The following PDIA6 variants were observed in gnomAD, a reference collection of about 807,000 sequenced individuals.
The protein encoded by PDIA6 is protein disulfide isomerase family A member 6, also known as protein disulfide-isomerase A6.
PDIA6 carries 29 observed loss-of-function variants against 58.4 expected under a neutral mutation model. The ratio of observed to expected loss-of-function variants is 0.50; its 90% CI spans 0.37 to 0.68. The LOEUF (loss-of-function observed/expected upper bound fraction) is 0.68, where lower values mean the gene tolerates loss of function less well. PDIA6 is among the 30% of genes least tolerant of loss of function. PDIA6 has a pLI of 0.00. For synonymous variants in PDIA6, 192 were observed against 202.6 expected (o/e 0.95, Z 0.44); for missense variants, 480 against 551.0 (o/e 0.87, Z 1.29).
At chr2:10,824,040 C>A (rs1304111879) in intron 1 of PDIA6, among the ~76,000 whole-genome samples, 4 of 152,146 alleles carry the variant, frequency 2.6e-5, no homozygotes, top group African/African-American at 9.7e-5. Flanking sequence ...CTTCTCTTAC[C>A]CAACCTTATT....
chr2:10,788,599 C>A (rs1665889850), intron 10 of PDIA6, 98 bp downstream of exon 10: 9 of 813,084 alleles, frequency 1.1e-5, no homozygotes, highest in African/African-American at 1.7e-5. Context: ...GCAGAGCAAA[C>A]ATAGAACACA....
intron 2 of PDIA6, among the ~76,000 whole-genome samples, chr2:10,801,793 C>T (rs906555964): frequency 1.3e-5 from 2 of 152,172 alleles, no homozygotes; most frequent in Admixed American, 1.3e-4. Context: ...CAGGCATACC[C>T]TAAAATGTAC....
chr2:10,802,794 C>T (rs532122392), intron 1 of PDIA6, among the ~76,000 whole-genome samples, 154 bp from the exon 2 acceptor site: 2 of 152,298 alleles, frequency 1.3e-5, no homozygotes, highest in South Asian at 2.1e-4. Flanking sequence ...GCAGTTGGAG[C>T]CCCTGGAATT....
At chr2:10,830,189 G>A (rs1216429280) in intron 1 of PDIA6, among the ~76,000 whole-genome samples, 1 of 152,184 alleles carries the variant, frequency 6.6e-6, no homozygotes, top group Admixed American at 6.5e-5. Flanking sequence ...CTCCAGTGTG[G>A]GTGCGCAGCT....
chr2:10,807,609 G>A (rs1666816738), intron 1 of PDIA6, among the ~76,000 whole-genome samples: 2 of 152,162 alleles, frequency 1.3e-5, no homozygotes, highest in African/African-American at 4.8e-5. Context: ...AAGTGAGACT[G>A]GCCTGTGTTC....
intron 1 of PDIA6, among the ~76,000 whole-genome samples, chr2:10,827,358 C>T (rs563988626): frequency 3.2e-4 from 48 of 152,066 alleles, no homozygotes; most frequent in Non-Finnish European, 4.7e-4. Context: ...CCACCGCACC[C>T]AGCCTTATTT....
intron 2 of PDIA6, among the ~76,000 whole-genome samples, chr2:10,818,245 C>T (rs137986484): frequency 0.011 from 1,637 of 151,980 alleles, 19 homozygotes; most frequent in Non-Finnish European, 0.014. Context: ...TCACTGCAGC[C>T]TCAACCTCCT....
At chr2:10,788,580 A>G (rs1665888005) in intron 10 of PDIA6, 117 bp downstream of exon 10, 1 of 737,640 alleles carries the variant, frequency 1.4e-6, no homozygotes, top group African/African-American at 1.8e-5. Context: ...AAAAAAAAAA[A>G]AACATATAGC....
intron 1 of PDIA6, chr2:10,819,396 G>T: frequency 8.7e-7 from 1 of 1,155,902 alleles, no homozygotes; most frequent in Non-Finnish European, 1.3e-6. Flanking sequence ...GGTGGGGATG[G>T]GGAAACTATT....
At chr2:10,802,853 A>C (rs1666572920) in intron 1 of PDIA6, among the ~76,000 whole-genome samples, 2 of 151,940 alleles carry the variant, frequency 1.3e-5, no homozygotes. Context: ...GACGGTCCCC[A>C]CTCCCACTCC....
intron 1 of PDIA6, among the ~76,000 whole-genome samples, chr2:10,825,414 A>C (rs1667526804): frequency 6.6e-6 from 1 of 152,214 alleles, no homozygotes; most frequent in African/African-American, 2.4e-5. Flanking sequence ...GAAAAAGTTT[A>C]AATTAGTTCA....
rs13010424 is a variant in PDIA6, at chr2:10,812,725, A to G, written c.-29T>C. On this transcript the variant is annotated 5_prime_UTR_variant, in exon 1 of 13. Coordinates refer to ENST00000272227, the MANE Select transcript of PDIA6 (RefSeq NM_005742.4). ...GAGCGCCGGGCTACGTGCAGTCCCC[A>G]CCGCCGCCGCCGCTTCAGCCCTGCA... 6.0e-6 allele frequency: 9 copies of G among 1,493,756 alleles called. No homozygotes were observed. The highest frequency in any genetic ancestry group is 1.2e-5 in the South Asian group (1 of 81,164). The allele number at this position is 1,493,756 out of a possible 1,614,324, so 92.5% of individuals were successfully genotyped here.
chr2:10,809,077 A>C lies in PDIA6; in HGVS notation c.19+3601T>G, dbSNP rs575495864. On this transcript the variant is annotated intron_variant, in intron 1 of 12. Transcript: ENST00000272227. ...GCCCACCTTGGCCTCCCAAAGTGCG[A>C]GGATTACAGGCGTGAGCCACCGTGC... 1.1e-4 allele frequency among the ~76,000 whole-genome samples: 16 copies of C among 152,270 alleles called. No homozygotes were observed. In the East Asian group the frequency reaches 2.9e-3, roughly 28 times the overall value.
chr2:10,816,077 C>CTTTTTTTTTTTTTTTT (rs57404091), upstream of PDIA6, among the ~76,000 whole-genome samples: 32 of 96,470 alleles, frequency 3.3e-4, 5 homozygotes, highest in African/African-American at 1.3e-3. Context: ...AATCATTTGT[C>CTTTTTTTTTTTTTTTT]TTTTTTTTTT....
At chr2:10,822,931 C>T (rs539862709) in intron 1 of PDIA6, among the ~76,000 whole-genome samples, 27 of 152,236 alleles carry the variant, frequency 1.8e-4, no homozygotes, top group Non-Finnish European at 3.2e-4. Flanking sequence ...GCCTGGTCTC[C>T]AGCTGCATCT....
At position 10,793,224 on chromosome 2, in the gene PDIA6, C is replaced by CAGGT. The variant is rs75715279; in HGVS notation, c.347-23_347-22insACCT. 11 of 1,557,676 alleles carry CAGGT rather than the reference C, an allele frequency of 7.1e-6. No individual in the cohort carries two copies. The East Asian group carries it at 2.0e-4, about 29-fold the overall frequency. ...CCACCTACAGGAGACGGAAGGTAGG[C>CAGGT]GGTCCTCAGCCCGGCCTTCAGCAAG... On this transcript the variant is annotated intron_variant, in intron 4 of 12. Coordinates refer to ENST00000272227, the MANE Select transcript of PDIA6 (RefSeq NM_005742.4).
intron 8 of PDIA6, 77 bp from the exon 9 acceptor site, chr2:10,789,058 C>T: frequency 1.0e-6 from 1 of 972,340 alleles, no homozygotes; most frequent in Non-Finnish European, 1.7e-6. Flanking sequence ...CAAACAAGAC[C>T]TTCGCACCGT....
At chr2:10,835,363 G>C (rs77509213), upstream of PDIA6, among the ~76,000 whole-genome samples, 5,821 of 152,188 alleles carry the variant, frequency 0.038, 118 homozygotes, top group African/African-American at 0.055. Flanking sequence ...TCTTGACCAG[G>C]CCGCTGGCAG....
At chr2:10,804,846 C>A (rs1666666157) in intron 1 of PDIA6, among the ~76,000 whole-genome samples, 1 of 137,068 alleles carries the variant, frequency 7.3e-6, no homozygotes. Context: ...CTTTTATTTC[C>A]TTGAGCAGTG....
Sources: gnomAD v4.1 joint callset for allele counts (sites outside exome capture counted in the v4.1 genomes callset) on GRCh38, gnomAD v4.1.1 for gene constraint, MANE v1.5 for transcripts, NCBI Gene and HGNC (gene_info 2026-07-23, HGNC 2026-07-21) for gene names.